CNTNAP2: variants seen among roughly 807,000 people sequenced by gnomAD.
CNTNAP2 encodes the protein contactin associated protein 2, also known as contactin-associated protein-like 2.
A neutral mutation model predicts 155.2 loss-of-function variants in CNTNAP2; 98 were observed. The observed-to-expected ratio is 0.63, with a 90% CI of 0.54 to 0.75. The LOEUF is 0.75. Ranked by LOEUF, CNTNAP2 falls within the 30% of genes least tolerant of loss-of-function variation. The pLI is 0.00. For missense variants in CNTNAP2, 1,727 were observed against 1,688.1 expected (o/e 1.02, Z -0.40); for synonymous variants, 651 against 631.2 (o/e 1.03, Z -0.47).
At chr7:147,738,691 G>T (rs901364257) in intron 13 of CNTNAP2, among the ~76,000 whole-genome samples, 19 of 126,492 alleles carry the variant, frequency 1.5e-4, no homozygotes, top group Admixed American at 1.4e-3. Flanking sequence ...GTCTTGCTCT[G>T]TTGCCCAAAC....
rs141831869 is a variant in CNTNAP2, at chr7:146,839,856, C to T, written c.354C>T (p.Ser118=). 36 of 1,613,770 alleles carry T rather than the reference C, an allele frequency of 2.2e-5. No individual in the cohort carries two copies. The highest frequency in any genetic ancestry group is 1.6e-4 in the Middle Eastern group (1 of 6,084). Residue 118 remains serine (S), a synonymous_variant, in exon 3 of 24, where the codon AGC becomes AGT. Transcript: ENST00000361727. ...TGACCCAATACCGGATGCTCTACAG[C>T]GACACAGGGAGAAACTGGAAACCCT... ...DWVTQYRMLY[S]DTGRNWKPYH...
chr7:146,160,642 A>G (rs1798204939), intron 1 of CNTNAP2, among the ~76,000 whole-genome samples: 1 of 152,202 alleles, frequency 6.6e-6, no homozygotes. Flanking sequence ...CCCTCCCAAG[A>G]CTTAACCAAG....
chr7:147,019,199 A>G (rs1415646883), intron 3 of CNTNAP2, among the ~76,000 whole-genome samples: 1 of 152,038 alleles, frequency 6.6e-6, no homozygotes, highest in Non-Finnish European at 1.5e-5. Context: ...TAAGGAAGTA[A>G]TTATCTTCTC....
intron 11 of CNTNAP2, among the ~76,000 whole-genome samples, chr7:147,546,021 C>T (rs779557219): frequency 1.3e-5 from 2 of 152,164 alleles, no homozygotes; most frequent in Admixed American, 6.6e-5. Flanking sequence ...GATTGTGAAG[C>T]CTCCCCAGCC....
chr7:148,224,995 A>G (rs776532036), intron 19 of CNTNAP2, among the ~76,000 whole-genome samples: 1 of 152,218 alleles, frequency 6.6e-6, no homozygotes. Context: ...GGGAACTACA[A>G]TTTAAGATGA....
chr7:146,357,544 G>A (rs1386487119), intron 1 of CNTNAP2, among the ~76,000 whole-genome samples: 1 of 152,078 alleles, frequency 6.6e-6, no homozygotes, highest in East Asian at 1.9e-4. Flanking sequence ...TCGTTCACTG[G>A]CAGATTGCCA....
intron 4 of CNTNAP2, among the ~76,000 whole-genome samples, chr7:147,046,871 TACAAA>T (rs1477168360): frequency 7.3e-5 from 11 of 151,460 alleles, no homozygotes; most frequent in Non-Finnish European, 7.4e-5. Flanking sequence ...CTACTAAAAA[TACAAA>T]ACAAAATTAA....
chr7:147,408,092 T>G (rs1330621487), intron 10 of CNTNAP2, among the ~76,000 whole-genome samples: 1 of 152,260 alleles, frequency 6.6e-6, no homozygotes, highest in African/African-American at 2.4e-5. Context: ...AAGGACAGTT[T>G]TAGCCTTGAA....
At chr7:147,820,534 A>C (rs187425828) in intron 13 of CNTNAP2, among the ~76,000 whole-genome samples, 1 of 152,224 alleles carries the variant, frequency 6.6e-6, no homozygotes, top group East Asian at 1.9e-4. Flanking sequence ...GTTCAATTTA[A>C]ATATTTTTCT....
At chr7:147,051,166 T>TTATATATACATATATATGTA (rs1799465144) in intron 4 of CNTNAP2, among the ~76,000 whole-genome samples, 1 of 135,206 alleles carries the variant, frequency 7.4e-6, no homozygotes, top group Non-Finnish European at 1.5e-5. Context: ...AAACACAATA[T>TTATATATACATATATATGTA]TATATATACA....
At chr7:147,532,574 C>T (rs1365359258) in intron 11 of CNTNAP2, among the ~76,000 whole-genome samples, 9 of 152,180 alleles carry the variant, frequency 5.9e-5, no homozygotes, top group African/African-American at 1.7e-4. Context: ...TTTTCAGCAG[C>T]GCCCCACTCT....
At chr7:148,325,677 A>G (rs954770425) in intron 21 of CNTNAP2, among the ~76,000 whole-genome samples, 1 of 152,246 alleles carries the variant, frequency 6.6e-6, no homozygotes, top group African/African-American at 2.4e-5. Flanking sequence ...AGAACTTTTT[A>G]AACTAGCAAG....
intron 1 of CNTNAP2, among the ~76,000 whole-genome samples, chr7:146,134,757 A>G (rs1041805589): frequency 2.6e-5 from 4 of 151,866 alleles, no homozygotes; most frequent in African/African-American, 7.3e-5. Context: ...CCCAGGGATG[A>G]AGCCCACTTA....
chr7:147,716,990 C>T (rs1287429389), intron 13 of CNTNAP2, among the ~76,000 whole-genome samples: 3 of 152,082 alleles, frequency 2.0e-5, no homozygotes, highest in East Asian at 3.9e-4. Flanking sequence ...AGATTGGGAG[C>T]TACATGCTTG....
At position 147,902,804 on chromosome 7, in the gene CNTNAP2, GTGTGTGTGTA is replaced by G. The variant is rs1228844676; in HGVS notation, c.2099-751_2099-742del. On this transcript the variant is annotated intron_variant, in intron 13 of 23. Transcript: ENST00000361727. Reference sequence around the variant, plus strand: ...TGTGTGTGTGTGTGTGTGTGTGTGTGTGTGTGTGTATGTGTGTGTGTGTGTGTGTGTGTGT... The same window carrying G: ...TGTGTGTGTGTGTGTGTGTGTGTGTGTGTGTGTGTGTGTGTGTGTGTGTGT... 6.4e-3 allele frequency among the ~76,000 whole-genome samples: 825 copies of G among 128,142 alleles called. 3 individuals are homozygous for G. The highest frequency in any genetic ancestry group is 0.012 in the African/African-American group (433 of 34,856). 84.1% of individuals were successfully genotyped at this position (128,142 alleles called of 152,430 possible). A position where few individuals can be genotyped will look rare whatever the true frequency, so the allele number is the denominator to read the frequency against.
chr7:147,288,946 G>T (rs930266009), intron 8 of CNTNAP2, among the ~76,000 whole-genome samples: 17 of 151,938 alleles, frequency 1.1e-4, no homozygotes, highest in African/African-American at 4.1e-4. Flanking sequence ...ATACATACAT[G>T]ACAAAATAAT....
intron 11 of CNTNAP2, among the ~76,000 whole-genome samples, chr7:147,535,958 A>G (rs1799530570): frequency 6.6e-6 from 1 of 152,220 alleles, no homozygotes; most frequent in Admixed American, 6.5e-5. Context: ...ATCCTTGATC[A>G]TATAGCATTT....
intron 1 of CNTNAP2, among the ~76,000 whole-genome samples, chr7:146,365,318 G>T (rs1795139932): frequency 6.6e-6 from 1 of 152,132 alleles, no homozygotes; most frequent in South Asian, 2.1e-4. Context: ...ACAGGATTGA[G>T]CCCCTGTTCC....
chr7:146,397,337 T>C (rs1795644986), intron 1 of CNTNAP2, among the ~76,000 whole-genome samples: 1 of 152,236 alleles, frequency 6.6e-6, no homozygotes, highest in Non-Finnish European at 1.5e-5. Context: ...ACAGCAATGA[T>C]CCTTGGTCAT....
Sources: allele counts gnomAD v4.1 joint callset (sites outside exome capture counted in the v4.1 genomes callset), GRCh38; gene constraint gnomAD v4.1.1; transcripts MANE v1.5; gene names NCBI Gene and HGNC (gene_info 2026-07-23, HGNC 2026-07-21).